SEC11A: variants seen among roughly 807,000 people sequenced by gnomAD.
The protein encoded by SEC11A is SEC11 homolog A, signal peptidase complex subunit.
Under a neutral mutation model 25.6 loss-of-function variants are expected in SEC11A, and 14 were observed. The observed-to-expected ratio is 0.55, with a 90% CI of 0.36 to 0.85. The LOEUF is 0.85. SEC11A is among the 40% of genes least tolerant of loss of function. The pLI, the probability that SEC11A is intolerant of heterozygous loss-of-function variation, is 0.01. For synonymous variants in SEC11A, 83 were observed against 76.4 expected, an observed-to-expected ratio of 1.09 and a Z score of -0.45; for missense variants, 153 against 222.9, an observed-to-expected ratio of 0.69 and a Z score of 2.00.
At chr15:84,714,018 CTTTTTTTT>C (rs34873142) in intron 1 of SEC11A, among the ~76,000 whole-genome samples, 11 of 100,432 alleles carry the variant, frequency 1.1e-4, no homozygotes, top group African/African-American at 4.3e-4. Flanking sequence ...CATATACCTT[CTTTTTTTT>C]TTTTTTTTTT....
chr15:84,705,074 AC>A (rs776494303), intron 1 of SEC11A, among the ~76,000 whole-genome samples: 36 of 152,000 alleles, frequency 2.4e-4, no homozygotes, highest in Admixed American at 4.6e-4. Flanking sequence ...ACAGGTGAGT[AC>A]CACCACGCCT....
At chr15:84,670,645 G>T (rs1896959815) in intron 5 of SEC11A, 80 bp downstream of exon 5, 1 of 699,348 alleles carries the variant, frequency 1.4e-6, no homozygotes, top group Non-Finnish European at 2.4e-6. Flanking sequence ...CTCCCAGAGT[G>T]CTGGGATTAC....
chr15:84,687,213 C>A (rs1428090320), intron 3 of SEC11A, among the ~76,000 whole-genome samples: 1 of 151,984 alleles, frequency 6.6e-6, no homozygotes, highest in Non-Finnish European at 1.5e-5. Context: ...GGAGTCTCAC[C>A]ATGTTGCCCA....
intron 3 of SEC11A, among the ~76,000 whole-genome samples, chr15:84,683,083 G>GA (rs1897321023): frequency 6.6e-6 from 1 of 151,966 alleles, no homozygotes; most frequent in South Asian, 2.1e-4. Context: ...ATGCCAGTTA[G>GA]AAAAAATGCA....
chr15:84,712,001 G>A (rs2141929836), intron 1 of SEC11A, among the ~76,000 whole-genome samples: 1 of 152,154 alleles, frequency 6.6e-6, no homozygotes, highest in Non-Finnish European at 1.5e-5. Flanking sequence ...AGCAGTTTGA[G>A]GATCCGAGGT....
At chr15:84,715,882 C>T (rs1898449378) in intron 1 of SEC11A, 143 bp downstream of exon 1, 3 of 761,430 alleles carry the variant, frequency 3.9e-6, no homozygotes, top group East Asian at 2.8e-5. Flanking sequence ...GGCCTCTGGC[C>T]ACAGTCTCCA....
chr15:84,712,663 G>A lies in SEC11A; in HGVS notation c.51+3362C>T, dbSNP rs571467631. On this transcript the variant is annotated intron_variant, in intron 1 of 5. Coordinates refer to ENST00000268220, the MANE Select transcript of SEC11A (RefSeq NM_014300.4). ...GGGTTTCACCATGTTGGCCAGGCTG[G>A]TCTTGAACTCCTGAGCTCAGGCAAT... Among the ~76,000 whole-genome samples, 6 of 151,948 alleles carry A rather than the reference G, an allele frequency of 3.9e-5. No individual in the cohort carries two copies. In the East Asian group the frequency reaches 1.2e-3, roughly 30 times the overall value.
chr15:84,708,791 A>G (rs77382770), intron 1 of SEC11A, among the ~76,000 whole-genome samples: 2 of 148,384 alleles, frequency 1.3e-5, no homozygotes, highest in East Asian at 3.9e-4. Flanking sequence ...TTATCTCAGG[A>G]AAAAAAAAAT....
intron 1 of SEC11A, among the ~76,000 whole-genome samples, chr15:84,700,039 G>A (rs1596080279): frequency 6.6e-6 from 1 of 151,994 alleles, no homozygotes; most frequent in Non-Finnish European, 1.5e-5. Flanking sequence ...ACTAAAGGCC[G>A]CTCTGGATCC....
intron 4 of SEC11A, among the ~76,000 whole-genome samples, chr15:84,676,316 A>C (rs1297998471): frequency 6.6e-6 from 1 of 151,978 alleles, no homozygotes; most frequent in Non-Finnish European, 1.5e-5. Flanking sequence ...AATACAAAAA[A>C]TTAGGTGGGC....
intron 1 of SEC11A, among the ~76,000 whole-genome samples, chr15:84,709,992 C>T (rs1898212622): frequency 6.6e-6 from 1 of 152,212 alleles, no homozygotes; most frequent in Admixed American, 6.5e-5. Flanking sequence ...ATTCATCCAT[C>T]TCGGCCTCCA....
intron 2 of SEC11A, among the ~76,000 whole-genome samples, chr15:84,689,138 G>A (rs1007395872): frequency 6.6e-6 from 1 of 152,058 alleles, no homozygotes; most frequent in Non-Finnish European, 1.5e-5. Flanking sequence ...GGAGGTTGAG[G>A]GGGGAGGATC....
intron 1 of SEC11A, among the ~76,000 whole-genome samples, chr15:84,715,216 C>CA (rs778251256): frequency 1.1e-4 from 16 of 150,940 alleles, no homozygotes; most frequent in Admixed American, 2.0e-4. Flanking sequence ...CTGTTTAAAA[C>CA]AAAAAAAAAG....
At chr15:84,689,694 G>A (rs1026162516) in intron 2 of SEC11A, among the ~76,000 whole-genome samples, 8 of 148,910 alleles carry the variant, frequency 5.4e-5, no homozygotes, top group South Asian at 2.1e-4. Flanking sequence ...TGCAATCTCC[G>A]CCTCCTAGGT....
Position 84,670,019 on chromosome 15 carries a change from T to C in SEC11A, c.540A>G (p.Ter180=), listed in dbSNP as rs2141861435. The part of the protein sequence containing the change: ...LGLFVLVHRE[*] The stretch of plus-strand genomic sequence containing the variant: ...TCCCAGGAACAGCAAGGCAGGCTTC[T>C]TACTCACGATGAACCAGCACGAATA... The change falls in exon 6 of 6, where the codon TAA becomes TAG. Residue 180 remains the stop codon, a stop_retained_variant. Coordinates refer to ENST00000268220, the MANE Select transcript of SEC11A (RefSeq NM_014300.4). 8.1e-6 allele frequency: 13 copies of C among 1,613,644 alleles called. No homozygotes were observed. Among genetic ancestry groups the C allele is most frequent in the East Asian group, 2.2e-5 (1 of 44,886 alleles).
intron 1 of SEC11A, among the ~76,000 whole-genome samples, chr15:84,697,690 A>G (rs1897808523): frequency 1.3e-5 from 2 of 152,024 alleles, no homozygotes; most frequent in African/African-American, 4.8e-5. Flanking sequence ...CCTAGCCCCT[A>G]CTTTCTTTAT....
chr15:84,707,976 G>A (rs1898146131), intron 1 of SEC11A, among the ~76,000 whole-genome samples: 1 of 152,028 alleles, frequency 6.6e-6, no homozygotes, highest in South Asian at 2.1e-4. Flanking sequence ...GGGAGGCCAA[G>A]GCTGGTGAAT....
chr15:84,692,641 G>A (rs1444988849), intron 1 of SEC11A, among the ~76,000 whole-genome samples: 1 of 152,094 alleles, frequency 6.6e-6, no homozygotes, highest in Non-Finnish European at 1.5e-5. Flanking sequence ...AATCAGATAA[G>A]ATAAATAATG....
At chr15:84,699,744 G>C (rs1480607131) in intron 1 of SEC11A, among the ~76,000 whole-genome samples, 2 of 150,274 alleles carry the variant, frequency 1.3e-5, no homozygotes, top group East Asian at 3.9e-4. Context: ...GGGCAATACA[G>C]CAAGATCCCC....
Sources: allele counts gnomAD v4.1 joint callset (sites outside exome capture counted in the v4.1 genomes callset), GRCh38; gene constraint gnomAD v4.1.1; transcripts MANE v1.5; gene names NCBI Gene and HGNC (gene_info 2026-07-23, HGNC 2026-07-21).